The following ENPP2 variants were observed in gnomAD, a reference collection of about 807,000 sequenced individuals.
ENPP2 encodes ectonucleotide pyrophosphatase/phosphodiesterase 2, also known as autotaxin.
A neutral mutation model predicts 120.2 loss-of-function variants in ENPP2; 51 were observed. The ratio of observed to expected loss-of-function variants is 0.42; its 90% CI spans 0.34 to 0.54. The LOEUF is 0.54. Ranked by LOEUF, ENPP2 falls within the 20% of genes least tolerant of loss-of-function variation. The pLI is 0.04. For missense variants in ENPP2, 920 were observed against 1,066.5 expected, an observed-to-expected ratio of 0.86 and a Z score of 1.91; for synonymous variants, 365 against 366.4, an observed-to-expected ratio of 1.00 and a Z score of 0.04.
Position 119,580,162 on chromosome 8 carries a change from C to G in ENPP2, c.1734G>C (p.Lys578Asn), listed in dbSNP as rs140274904. The change falls in exon 19 of 25, where the codon AAG (lysine) becomes AAC (asparagine). Residue 578 changes from lysine (K) to asparagine (N), a missense_variant. Coordinates refer to ENST00000075322, the MANE Select transcript of ENPP2 (RefSeq NM_001040092.3). ...TCDDKVEPKN[K>N]LDELNKRLHT... ...GAAGCCGTTTGTTGAGTTCATCCAA[C>G]TTGTTCTTCATGTGTGAAAACCAGT... The G allele has an allele frequency of 6.2e-7, 1 of 1,612,746 alleles. No individual in the cohort carries two copies. The highest frequency in any genetic ancestry group is 8.5e-7 in the Non-Finnish European group (1 of 1,178,712).
chr8:119,620,135 A>G (rs1055384933), intron 4 of ENPP2, among the ~76,000 whole-genome samples: 1 of 152,220 alleles, frequency 6.6e-6, no homozygotes, highest in Non-Finnish European at 1.5e-5. Context: ...AAGATTTGCT[A>G]CACATATAGT....
At chr8:119,649,684 T>C (rs1817574265) in intron 1 of ENPP2, among the ~76,000 whole-genome samples, 1 of 152,182 alleles carries the variant, frequency 6.6e-6, no homozygotes, top group South Asian at 2.1e-4. Flanking sequence ...ATCTAGAACA[T>C]TTAAAGAACA....
chr8:119,608,994 T>A (rs1447321041), intron 8 of ENPP2, among the ~76,000 whole-genome samples: 2 of 152,188 alleles, frequency 1.3e-5, no homozygotes, highest in East Asian at 3.8e-4. Context: ...AGAAAGAGAA[T>A]GGAAGCAAAT....
intron 1 of ENPP2, among the ~76,000 whole-genome samples, chr8:119,661,053 A>C (rs1817906162): frequency 6.6e-6 from 1 of 152,182 alleles, no homozygotes; most frequent in Admixed American, 6.6e-5. Flanking sequence ...ATCCTCAGCA[A>C]ACTAACACAG....
intron 9 of ENPP2, among the ~76,000 whole-genome samples, chr8:119,605,664 C>G (rs945351914): frequency 1.3e-5 from 2 of 149,126 alleles, no homozygotes; most frequent in East Asian, 4.0e-4. Context: ...GACGAGGGTT[C>G]TCCATGTTGA....
In ENPP2 at chr8:119,557,658, G is replaced by C; in HGVS notation, c.2455C>G (p.Leu819Val). Residue 819 changes from leucine to valine, a missense_variant, in exon 25 of 25, where the codon CTC becomes GTC. By Grantham distance (32) the Leu-to-Val change is conservative (BLOSUM62 1). Coordinates refer to ENST00000075322, the MANE Select transcript of ENPP2 (RefSeq NM_001040092.3). ...ACCCTAGCTGTGTGCATCTTCATGA[G>C]TTCTTCTACCCATTTTGATTCGTCC... The part of the protein sequence containing the change: ...SEDESKWVEE[L>V]MKMHTARVRD... 1 of 1,594,220 alleles carries C rather than the reference G, an allele frequency of 6.3e-7. No homozygotes were observed. The highest frequency in any genetic ancestry group is 8.5e-7 in the Non-Finnish European group (1 of 1,173,966).
At chr8:119,660,874 A>C (rs1257919834) in intron 1 of ENPP2, among the ~76,000 whole-genome samples, 1 of 152,200 alleles carries the variant, frequency 6.6e-6, no homozygotes, top group Non-Finnish European at 1.5e-5. Flanking sequence ...TTATTTACAC[A>C]AACAGAAGGC....
At chr8:119,638,894 T>G, upstream of ENPP2, 1 of 1,300,906 alleles carries the variant, frequency 7.7e-7, no homozygotes, top group South Asian at 1.2e-5. Context: ...CCTGGGAGGT[T>G]GACAGACTCC....
chr8:119,557,676 A>G lies in ENPP2; in HGVS notation c.2437T>C (p.Ser813Pro). Residue 813 changes from serine to proline, a missense_variant, in exon 25 of 25, where the codon TCA becomes CCA. Physicochemically the swap from Ser to Pro is moderately conservative, Grantham distance 74. Coordinates refer to ENST00000075322, the MANE Select transcript of ENPP2 (RefSeq NM_001040092.3). ...TTCATGAGTTCTTCTACCCATTTTG[A>G]TTCGTCCTCTGAGCTCTGCAATGGA... is the stretch of plus-strand genomic sequence containing the variant. ...EESCNSSEDE[S>P]KWVEELMKMH... is the part of the protein sequence containing the mutation. 6.3e-7 allele frequency: 1 copy of G among 1,576,838 alleles called. No homozygotes were observed. Among genetic ancestry groups the G allele is most frequent in the East Asian group, 2.3e-5 (1 of 44,342 alleles).
chr8:119,669,771 C>G (rs1207386178), intron 1 of ENPP2, among the ~76,000 whole-genome samples: 1 of 152,096 alleles, frequency 6.6e-6, no homozygotes, highest in East Asian at 1.9e-4. Flanking sequence ...TGTATCTATA[C>G]CTGAGAAGGA....
intron 1 of ENPP2, among the ~76,000 whole-genome samples, chr8:119,650,074 C>T (rs528372453): frequency 3.9e-5 from 6 of 152,166 alleles, no homozygotes; most frequent in Non-Finnish European, 8.8e-5. Flanking sequence ...AACTTGAACA[C>T]AAATGTTCAC....
chr8:119,638,744 C>A lies in ENPP2; in HGVS notation c.33+4G>T. Reference sequence around the variant, plus strand: ...TGTCCCCCGTCATTCCTCCGTTCTCCCACCTGACACGACTGGAACGAGCTC... The same window carrying A: ...TGTCCCCCGTCATTCCTCCGTTCTCACACCTGACACGACTGGAACGAGCTC... On this transcript the variant is annotated splice_donor_region_variant and intron_variant, in intron 1 of 24. Transcript: ENST00000075322. The A allele has an allele frequency of 6.4e-7, 1 of 1,553,050 alleles. No homozygotes were observed. Among genetic ancestry groups the A allele is most frequent in the Non-Finnish European group, 8.9e-7 (1 of 1,124,098 alleles).
chr8:119,657,502 A>T (rs187821637), intron 1 of ENPP2, among the ~76,000 whole-genome samples: 7 of 152,338 alleles, frequency 4.6e-5, no homozygotes, highest in Middle Eastern at 3.4e-3. Flanking sequence ...TGTATGTCGA[A>T]GTCTGCCAAT....
chr8:119,572,869 G>A (rs1476570022), intron 19 of ENPP2: 1 of 152,442 alleles, frequency 6.6e-6, no homozygotes, highest in African/African-American at 2.4e-5. Context: ...TACAGAGTGT[G>A]ATGGGAATGC....
chr8:119,617,749 G>A (rs910241093), intron 5 of ENPP2, among the ~76,000 whole-genome samples, 186 bp from the exon 6 acceptor site: 1 of 152,146 alleles, frequency 6.6e-6, no homozygotes, highest in Non-Finnish European at 1.5e-5. Context: ...AGGAGTTCGA[G>A]ACCAGCCTGG....
intron 3 of ENPP2, among the ~76,000 whole-genome samples, chr8:119,623,801 T>C (rs1190715268): frequency 6.6e-6 from 1 of 152,026 alleles, no homozygotes; most frequent in Non-Finnish European, 1.5e-5. Flanking sequence ...AATTTTTGTA[T>C]TTTTAGTAGA....
At chr8:119,664,118 C>A (rs552210332) in intron 1 of ENPP2, among the ~76,000 whole-genome samples, 1 of 152,216 alleles carries the variant, frequency 6.6e-6, no homozygotes, top group Non-Finnish European at 1.5e-5. Context: ...TATAGTCCAA[C>A]AAGAGGGCTT....
intron 24 of ENPP2, among the ~76,000 whole-genome samples, chr8:119,558,779 G>GC (rs1813684378): frequency 6.6e-6 from 1 of 152,040 alleles, no homozygotes; most frequent in South Asian, 2.1e-4. Flanking sequence ...GCTTCCAAGA[G>GC]CCCTTCTACA....
At chr8:119,627,365 T>C (rs111800137) in intron 2 of ENPP2, among the ~76,000 whole-genome samples, 227 of 152,124 alleles carry the variant, frequency 1.5e-3, no homozygotes, top group African/African-American at 5.2e-3. Flanking sequence ...CAACTAAAAT[T>C]TGGGGAAAAA....
Sources: allele counts gnomAD v4.1 joint callset (sites outside exome capture counted in the v4.1 genomes callset), GRCh38; gene constraint gnomAD v4.1.1; transcripts MANE v1.5; gene names NCBI Gene and HGNC (gene_info 2026-07-23, HGNC 2026-07-21).